The following ATP8B1 variants were observed in gnomAD, a reference collection of about 807,000 sequenced individuals.
ATP8B1 encodes ATPase phospholipid transporting 8B1, also known as phospholipid-transporting ATPase IC.
In ATP8B1, 80 loss-of-function variants were observed where a neutral mutation model predicts 149.9. The observed-to-expected ratio is 0.53, with a 90% CI of 0.45 to 0.64. The LOEUF (loss-of-function observed/expected upper bound fraction) is 0.64. Among genes scored for constraint, ATP8B1 ranks in the 30% least tolerant of loss-of-function variants. The pLI, the probability that ATP8B1 is intolerant of heterozygous loss-of-function variation, is 0.00. For missense variants in ATP8B1, 1,247 were observed against 1,552.6 expected (o/e 0.80, Z 3.31); for synonymous variants, 536 against 562.8 (o/e 0.95, Z 0.67).
intron 1 of ATP8B1, among the ~76,000 whole-genome samples, chr18:57,751,971 C>T (rs1238854959): frequency 3.3e-5 from 5 of 151,914 alleles, no homozygotes; most frequent in African/African-American, 9.7e-5. Context: ...TTTGGAGGGC[C>T]GAGGTGGGCA....
intron 1 of ATP8B1, among the ~76,000 whole-genome samples, chr18:57,763,119 C>T (rs752785445): frequency 1.3e-5 from 2 of 152,146 alleles, no homozygotes; most frequent in African/African-American, 2.4e-5. Flanking sequence ...CTAGGCCGGG[C>T]GCGGTGGCTC....
chr18:57,791,930 C>G (rs2080468213), intron 1 of ATP8B1, among the ~76,000 whole-genome samples: 1 of 152,222 alleles, frequency 6.6e-6, no homozygotes, highest in African/African-American at 2.4e-5. Flanking sequence ...AAGGGCATGT[C>G]TGCTTTGCTC....
chr18:57,735,790 AGT>A (rs2079845335), intron 1 of ATP8B1, among the ~76,000 whole-genome samples: 1 of 21,074 alleles, frequency 4.7e-5, no homozygotes, highest in Non-Finnish European at 1.2e-4. Flanking sequence ...TTCCCTACTA[AGT>A]CTTTATTTTA....
rs917737472 is a variant in ATP8B1 at position 57,784,551 on chromosome 18, A to G, written c.-26+18447T>C. Among the ~76,000 whole-genome samples the G allele has an allele frequency of 1.3e-5, 2 of 152,160 alleles. No homozygotes were observed. Among genetic ancestry groups the G allele is most frequent in the Non-Finnish European group, 2.9e-5 (2 of 68,034 alleles). On this transcript the variant is annotated intron_variant, in intron 1 of 27. Coordinates refer to ENST00000648908, the MANE Select transcript of ATP8B1 (RefSeq NM_001374385.1). This position sits in a 1 kb window ranked among gnomAD's most constrained non-coding sequence, Gnocchi z 4.4. ...AGTCTGGAAGAGAAAGGGGTCAGAG[A>G]TCAAGTCCAGGCTTAAGCCAGAAGG...
At position 57,648,512 on chromosome 18, in the gene ATP8B1, C is replaced by T. The variant is rs763398633; in HGVS notation, c.3732G>A (p.Glu1244=). 7.4e-6 allele frequency: 12 copies of T among 1,611,386 alleles called. No individual in the cohort carries two copies. In the Admixed American group the frequency reaches 2.0e-4, roughly 27 times the overall value. The change falls in exon 28 of 28, where the codon GAG becomes GAA. Residue 1244 remains glutamate (E), a synonymous_variant. Transcript: ENST00000648908. ...LDAIVADGTA[E]YRRTGDS ...ATCAGCTGTCCCCGGTGCGCCTGTACTCCGCGGTGCCATCCGCCACGATGG... is the reference window on the plus strand; with the variant it reads ...ATCAGCTGTCCCCGGTGCGCCTGTATTCCGCGGTGCCATCCGCCACGATGG...
At chr18:57,710,169 CAAAGA>C (rs988297193) in intron 2 of ATP8B1, among the ~76,000 whole-genome samples, 1 of 151,882 alleles carries the variant, frequency 6.6e-6, no homozygotes, top group African/African-American at 2.4e-5. Context: ...GATATATTGA[CAAAGA>C]AAAGAGAAGA....
intron 4 of ATP8B1, among the ~76,000 whole-genome samples, chr18:57,704,071 A>T (rs1008336542): frequency 3.3e-5 from 5 of 151,956 alleles, no homozygotes; most frequent in African/African-American, 9.7e-5. Context: ...GGTTCAAGCG[A>T]TTCTCTTGCC....
chr18:57,756,076 C>T (rs575125671), intron 1 of ATP8B1, among the ~76,000 whole-genome samples: 125 of 150,946 alleles, frequency 8.3e-4, no homozygotes, highest in Non-Finnish European at 6.6e-4. Context: ...AGTCTGATTT[C>T]GTCATTGACC....
rs1426190978 is a variant in ATP8B1, at chr18:57,655,177, T to C, written c.2931+17A>G. 1.3e-6 allele frequency: 2 copies of C among 1,575,892 alleles called. No homozygotes were observed. The highest frequency in any genetic ancestry group is 1.7e-5 in the Admixed American group (1 of 59,948). ...AGCTCTACTTAGTAAATAACAATAATAACAACATTACATTACCTGCGCAGA... is the reference window on the plus strand; with the variant it reads ...AGCTCTACTTAGTAAATAACAATAACAACAACATTACATTACCTGCGCAGA... On this transcript the variant is annotated intron_variant, in intron 23 of 27. Transcript: ENST00000648908.
intron 2 of ATP8B1, among the ~76,000 whole-genome samples, chr18:57,716,670 C>A (rs2079586308): frequency 6.6e-6 from 1 of 152,002 alleles, no homozygotes; most frequent in Non-Finnish European, 1.5e-5. Context: ...ACTGGAGCAC[C>A]CAGATATATA....
intron 1 of ATP8B1, among the ~76,000 whole-genome samples, chr18:57,753,408 T>A (rs1302475491): frequency 6.6e-6 from 1 of 152,248 alleles, no homozygotes; most frequent in Non-Finnish European, 1.5e-5. Flanking sequence ...CTACATGTGT[T>A]TGAAATCTTT....
rs1198072459 is a variant in ATP8B1, at chr18:57,697,641, A to G, written c.675T>C (p.Tyr225=). The G allele has an allele frequency of 1.2e-6, 2 of 1,614,058 alleles. No homozygotes were observed. Among genetic ancestry groups the G allele is most frequent in the African/African-American group, 1.3e-5 (1 of 75,004 alleles). ...ACCCATCCAGTTCTGCTGTTTCCAC[A>G]TAGCAGAGGCTGTTAGGCTCAGAGC... The part of the protein sequence containing the change: ...LSSSEPNSLC[Y]VETAELDGET... The change falls in exon 8 of 28, where the codon TAT becomes TAC. Residue 225 remains tyrosine, a synonymous_variant. Coordinates refer to ENST00000648908, the MANE Select transcript of ATP8B1 (RefSeq NM_001374385.1).
At position 57,780,853 on chromosome 18, in the gene ATP8B1, C is replaced by T. The variant is rs78410361; in HGVS notation, c.-26+22145G>A. Among the ~76,000 whole-genome samples, 1,189 of 152,300 alleles carry T rather than the reference C, an allele frequency of 7.8e-3. 16 individuals are homozygous for T. Among genetic ancestry groups the T allele is most frequent in the African/African-American group, 0.028 (1,144 of 41,574 alleles). ...ATGCCTGCCCCTCGTCCTGACATAA[C>T]TGATTAGGAAATGATTTCTAAATGG... On this transcript the variant is annotated intron_variant, in intron 1 of 27. Coordinates refer to ENST00000648908, the MANE Select transcript of ATP8B1 (RefSeq NM_001374385.1).
chr18:57,709,161 A>G (rs1366986186), intron 2 of ATP8B1, among the ~76,000 whole-genome samples: 2 of 152,206 alleles, frequency 1.3e-5, no homozygotes, highest in African/African-American at 4.8e-5. Context: ...GGGGACAAAC[A>G]AATTGATGTC....
At chr18:57,721,479 A>G (rs1467447866) in intron 2 of ATP8B1, among the ~76,000 whole-genome samples, 3 of 151,114 alleles carry the variant, frequency 2.0e-5, no homozygotes, top group African/African-American at 7.3e-5. Flanking sequence ...TTAAACCAAC[A>G]AAGATCAAAA....
At chr18:57,655,663 G>A (rs766533197) in intron 22 of ATP8B1, among the ~76,000 whole-genome samples, 11 of 152,146 alleles carry the variant, frequency 7.2e-5, no homozygotes, top group Non-Finnish European at 1.3e-4. Context: ...ATCTCATGTG[G>A]GTGACGAATT....
At chr18:57,685,886 G>C (rs1400214957) in intron 13 of ATP8B1, among the ~76,000 whole-genome samples, 1 of 151,736 alleles carries the variant, frequency 6.6e-6, no homozygotes, top group Non-Finnish European at 1.5e-5. Flanking sequence ...AGCCAAGATC[G>C]TGCCACTGCA....
rs112508233 is a variant in ATP8B1 at position 57,756,305 on chromosome 18, A to G, written c.-25-24473T>C. On this transcript the variant is annotated intron_variant, in intron 1 of 27. Coordinates refer to ENST00000648908, the MANE Select transcript of ATP8B1 (RefSeq NM_001374385.1). ...CATATATATGTGTGTGTGTATGTAT[A>G]TATATATATATTTGAGACTGAGTTT... Among the ~76,000 whole-genome samples the G allele has an allele frequency of 7.6e-4, 81 of 106,110 alleles. 8 individuals are homozygous for G. The highest frequency in any genetic ancestry group is 9.2e-4 in the Non-Finnish European group (49 of 53,092). 69.6% of individuals were successfully genotyped at this position (106,110 alleles called of 152,430 possible).
At position 57,704,644 on chromosome 18, in the gene ATP8B1, A is replaced by G; in HGVS notation, c.304T>C (p.Tyr102His). The stretch of plus-strand genomic sequence containing the variant: ...ATTGGTATAAAGGTAAATGCGTTGT[A>G]CTTGTATGTTTTAATTGCATTATTC... ...YANNAIKTYK[Y>H]NAFTFIPMNL... Residue 102 changes from tyrosine to histidine, a missense_variant, in exon 4 of 28, where the codon TAC (tyrosine) becomes CAC (histidine). Physicochemically the swap from Tyr to His is moderately conservative, Grantham distance 83. Coordinates refer to ENST00000648908, the MANE Select transcript of ATP8B1 (RefSeq NM_001374385.1). 6.2e-7 allele frequency: 1 copy of G among 1,608,356 alleles called. No individual in the cohort carries two copies.
Sources: allele counts gnomAD v4.1 joint callset (sites outside exome capture counted in the v4.1 genomes callset), GRCh38; gene constraint gnomAD v4.1.1; non-coding constraint Gnocchi (gnomAD v3.1); transcripts MANE v1.5; gene names NCBI Gene and HGNC (gene_info 2026-07-23, HGNC 2026-07-21).